Variants in USP43 observed in about 807,000 individuals in gnomAD.
USP43 encodes the protein ubiquitin carboxyl-terminal hydrolase 43.
Under a neutral mutation model 90.7 loss-of-function variants are expected in USP43, and 33 were observed. That is an observed-to-expected ratio of 0.36 (90% confidence interval 0.28 to 0.49). USP43 has a LOEUF of 0.49. USP43 is among the 20% of genes least tolerant of loss of function. The probability of loss-of-function intolerance (pLI) is 0.98; values close to 1 mark genes in which losing one functional copy is unlikely to be tolerated. For missense variants in USP43, 1,274 were observed against 1,476.4 expected, an observed-to-expected ratio of 0.86 and a Z score of 2.25; for synonymous variants, 598 against 615.8, an observed-to-expected ratio of 0.97 and a Z score of 0.43.
chr17:9,716,061 TTGTG>T (rs1916547996), intron 14 of USP43, among the ~76,000 whole-genome samples: 1 of 151,370 alleles, frequency 6.6e-6, no homozygotes, highest in East Asian at 1.9e-4. Context: ...ATGAGTGTGC[TTGTG>T]TGTGTATTGT....
intron 12 of USP43, among the ~76,000 whole-genome samples, chr17:9,703,227 A>G (rs997342214): frequency 3.3e-5 from 5 of 151,404 alleles, no homozygotes; most frequent in African/African-American, 2.4e-5. Flanking sequence ...GTCCCCGTGC[A>G]CACATGAGTG....
rs145698356 is a variant in USP43 at position 9,686,951 on chromosome 17, G to A, written c.1353+42G>A. The A allele has an allele frequency of 7.3e-5, 111 of 1,515,992 alleles. 1 individual carries two copies. In the East Asian group the frequency reaches 1.7e-3, roughly 23 times the overall value. The allele number at this position is 1,515,992 out of a possible 1,614,324, so 93.9% of individuals were successfully genotyped here. A position where few individuals can be genotyped will look rare whatever the true frequency, so the allele number is the denominator to read the frequency against. Reference sequence around the variant, plus strand: ...CGTGTGTGTGTGTGTGCGTGCATGCGCATGTGCATGCGTGTGTGTGGGTGT... The same window carrying A: ...CGTGTGTGTGTGTGTGCGTGCATGCACATGTGCATGCGTGTGTGTGGGTGT... On this transcript the variant is annotated intron_variant, in intron 8 of 14. Coordinates refer to ENST00000285199, the MANE Select transcript of USP43 (RefSeq NM_153210.5). The surrounding 1 kb of genome is among the most constrained non-coding windows in gnomAD (Gnocchi z 5.5).
intron 2 of USP43, among the ~76,000 whole-genome samples, chr17:9,661,554 C>A (rs1597821462): frequency 6.6e-6 from 1 of 152,072 alleles, no homozygotes; most frequent in Admixed American, 6.6e-5. Flanking sequence ...TACAAGGTCT[C>A]ACTATGTTGT....
intron 12 of USP43, among the ~76,000 whole-genome samples, chr17:9,703,297 TC>T (rs956380567): frequency 2.0e-5 from 3 of 152,072 alleles, no homozygotes; most frequent in Non-Finnish European, 2.9e-5. Context: ...ACGTGCTGCC[TC>T]CCCATCTATA....
chr17:9,677,619 G>T (rs962489146), intron 5 of USP43, among the ~76,000 whole-genome samples: 4 of 152,248 alleles, frequency 2.6e-5, no homozygotes, highest in African/African-American at 9.6e-5. Context: ...CACATGGCAG[G>T]ATGGGAGCGG....
chr17:9,654,110 G>GT (rs1597812923), intron 1 of USP43, among the ~76,000 whole-genome samples: 1 of 152,124 alleles, frequency 6.6e-6, no homozygotes, highest in African/African-American at 2.4e-5. Flanking sequence ...AAGAAGATAG[G>GT]TTTGAGGGTT....
intron 12 of USP43, among the ~76,000 whole-genome samples, chr17:9,704,983 A>G (rs2653429): frequency 0.19 from 29,145 of 152,054 alleles, 3,046 homozygotes; most frequent in African/African-American, 0.26. Context: ...TTCATTTTAA[A>G]TGTGGTAATG....
intron 8 of USP43, among the ~76,000 whole-genome samples, chr17:9,688,009 G>A (rs9912883): frequency 5.6e-4 from 85 of 152,200 alleles, no homozygotes; most frequent in African/African-American, 1.6e-3. Context: ...TTTTTGAGAC[G>A]GAGTCTCACT....
At chr17:9,714,590 G>A (rs1428426257) in intron 14 of USP43, among the ~76,000 whole-genome samples, 3 of 151,854 alleles carry the variant, frequency 2.0e-5, no homozygotes, top group African/African-American at 7.3e-5. Flanking sequence ...GGCTGAGGCA[G>A]GGGAATCGCT....
intron 14 of USP43, among the ~76,000 whole-genome samples, chr17:9,715,096 G>T (rs1040928913): frequency 6.6e-6 from 1 of 152,188 alleles, no homozygotes; most frequent in East Asian, 1.9e-4. Flanking sequence ...TAGTAGAGAC[G>T]CATTCAGATG....
At chr17:9,670,914 GT>G (rs1448472707) in intron 3 of USP43, among the ~76,000 whole-genome samples, 1 of 152,178 alleles carries the variant, frequency 6.6e-6, no homozygotes, top group Non-Finnish European at 1.5e-5. Context: ...CTGAGGGGTG[GT>G]TTTCTGCAGT....
chr17:9,650,735 C>T (rs1911800528), intron 1 of USP43, among the ~76,000 whole-genome samples: 1 of 152,124 alleles, frequency 6.6e-6, no homozygotes, highest in South Asian at 2.1e-4. Context: ...CGATCTATTC[C>T]CTTGGCAATT....
At chr17:9,710,712 T>C (rs917063326) in intron 13 of USP43, among the ~76,000 whole-genome samples, 2 of 152,028 alleles carry the variant, frequency 1.3e-5, no homozygotes, top group African/African-American at 2.4e-5. Flanking sequence ...TTCACCATGT[T>C]GGCCAGGAGG....
At chr17:9,710,714 G>A (rs765186461) in intron 13 of USP43, among the ~76,000 whole-genome samples, 3 of 151,852 alleles carry the variant, frequency 2.0e-5, no homozygotes, top group Non-Finnish European at 4.4e-5. Context: ...CACCATGTTG[G>A]CCAGGAGGAT....
intron 14 of USP43, among the ~76,000 whole-genome samples, chr17:9,715,286 C>A (rs754561976): frequency 3.9e-5 from 6 of 151,986 alleles, no homozygotes; most frequent in Admixed American, 6.6e-5. Flanking sequence ...CATAGTGAGA[C>A]CCCATCTCTA....
intron 8 of USP43, among the ~76,000 whole-genome samples, chr17:9,687,362 G>T (rs1914653752): frequency 6.6e-6 from 1 of 152,116 alleles, no homozygotes; most frequent in South Asian, 2.1e-4. Flanking sequence ...AGGGACTTGA[G>T]ATAGAATTTC....
chr17:9,645,974 G>A lies in USP43; in HGVS notation c.342G>A (p.Ala114=). The change falls in exon 1 of 15, where the codon GCG becomes GCA. Residue 114 remains alanine (A), a synonymous_variant. Transcript: ENST00000285199. The surrounding 1 kb of genome is among the most constrained non-coding windows in gnomAD (Gnocchi z 6.8). ...ACGGCAACACCTGTTTCATGAACGCGGTGGTGCAGTGTCTCAGCAACACCG... is the reference window on the plus strand; with the variant it reads ...ACGGCAACACCTGTTTCATGAACGCAGTGGTGCAGTGTCTCAGCAACACCG... ...KNHGNTCFMN[A]VVQCLSNTDL... 2 of 1,476,836 alleles carry A rather than the reference G, an allele frequency of 1.4e-6. No individual in the cohort carries two copies. Among genetic ancestry groups the A allele is most frequent in the Middle Eastern group, 1.8e-4 (1 of 5,714 alleles). The allele number at this position is 1,476,836 out of a possible 1,614,324, so 91.5% of individuals were successfully genotyped here. A position where few individuals can be genotyped will look rare whatever the true frequency, so the allele number is the denominator to read the frequency against.
At chr17:9,716,910 A>T (rs59421872) in intron 14 of USP43, among the ~76,000 whole-genome samples, 1 of 152,030 alleles carries the variant, frequency 6.6e-6, no homozygotes, top group African/African-American at 2.4e-5. Context: ...CCGAGGTGGG[A>T]GGATCACCTG....
intron 3 of USP43, among the ~76,000 whole-genome samples, chr17:9,671,153 A>G (rs998467712): frequency 8.5e-5 from 13 of 152,260 alleles, no homozygotes; most frequent in Non-Finnish European, 2.9e-5. Context: ...GTACTAGAGT[A>G]CCGAAGATCC....
Sources: allele counts gnomAD v4.1 joint callset (sites outside exome capture counted in the v4.1 genomes callset), GRCh38; gene constraint gnomAD v4.1.1; non-coding constraint Gnocchi (gnomAD v3.1); transcripts MANE v1.5; gene names NCBI Gene and HGNC (gene_info 2026-07-23, HGNC 2026-07-21).